The following SGCD variants were observed in gnomAD, a reference collection of about 807,000 sequenced individuals.
SGCD encodes delta-sarcoglycan.
Under a neutral mutation model 36.6 loss-of-function variants are expected in SGCD, and 18 were observed. The observed-to-expected ratio is 0.49, with a 90% CI of 0.34 to 0.73. SGCD has a LOEUF of 0.73. Among genes scored for constraint, SGCD ranks in the 30% least tolerant of loss-of-function variants. SGCD has a pLI of 0.01. For synonymous variants in SGCD, 133 were observed against 130.6 expected, an observed-to-expected ratio of 1.02 and a Z score of -0.12; for missense variants, 387 against 346.7, an observed-to-expected ratio of 1.12 and a Z score of -0.92.
intron 3 of SGCD, among the ~76,000 whole-genome samples, chr5:156,283,459 T>G (rs1766511376): frequency 1.3e-5 from 2 of 152,164 alleles, no homozygotes; most frequent in Admixed American, 1.3e-4. Context: ...TTATAGTATT[T>G]TTTTCCAAAA....
Position 156,513,285 on chromosome 5 carries a change from A to T in SGCD, c.294+4583A>T, listed in dbSNP as rs145860354. Among the ~76,000 whole-genome samples the T allele has an allele frequency of 4.6e-5, 7 of 152,252 alleles. No individual in the cohort carries two copies. In the East Asian group the frequency reaches 1.4e-3, roughly 29 times the overall value. On this transcript the variant is annotated intron_variant, in intron 4 of 8. Transcript: ENST00000337851. ...GGGATGAGTGGTTGGCAGGCAACCAATAGGATCTGCCATTTTTACTGAGTC... is the reference window on the plus strand; with the variant it reads ...GGGATGAGTGGTTGGCAGGCAACCATTAGGATCTGCCATTTTTACTGAGTC...
At chr5:156,047,706 G>A (rs1053517851) in intron 1 of SGCD, among the ~76,000 whole-genome samples, 3 of 152,076 alleles carry the variant, frequency 2.0e-5, no homozygotes, top group African/African-American at 7.2e-5. Context: ...GGCCATACAA[G>A]AGCTCTAATG....
the SGCD span, among the ~76,000 whole-genome samples, chr5:155,850,711 C>T: frequency 1.3e-5 from 2 of 152,152 alleles, no homozygotes; most frequent in African/African-American, 4.8e-5. Context: ...TTCTGTCTGT[C>T]TCTTGCTTTG....
At chr5:155,995,446 T>C (rs1025961198) in intron 1 of SGCD, among the ~76,000 whole-genome samples, 1 of 152,214 alleles carries the variant, frequency 6.6e-6, no homozygotes. Flanking sequence ...AGTACTACAT[T>C]AACTCCTGTG....
intron 7 of SGCD, among the ~76,000 whole-genome samples, chr5:156,661,751 T>C (rs1439857978): frequency 4.6e-5 from 7 of 151,618 alleles, no homozygotes; most frequent in African/African-American, 1.7e-4. Flanking sequence ...CAATCTGCCA[T>C]GCACCAGAAT....
intron 3 of SGCD, among the ~76,000 whole-genome samples, chr5:156,407,852 G>A (rs1230463850): frequency 6.6e-6 from 1 of 152,164 alleles, no homozygotes; most frequent in Admixed American, 6.5e-5. Context: ...CCATTGTGGA[G>A]TGTTCAGGGG....
chr5:156,644,410 C>T (rs942039558), intron 6 of SGCD, among the ~76,000 whole-genome samples: 5 of 152,002 alleles, frequency 3.3e-5, no homozygotes, highest in African/African-American at 7.2e-5. Context: ...TAAAGAATTA[C>T]GCGTTTTTAG....
the SGCD span, among the ~76,000 whole-genome samples, chr5:155,806,055 G>C: frequency 6.6e-6 from 1 of 152,202 alleles, no homozygotes; most frequent in South Asian, 2.1e-4. Context: ...CTGATGTCTT[G>C]AGTGTGTTCA....
At chr5:155,843,414 A>G in the SGCD span, among the ~76,000 whole-genome samples, 24 of 152,160 alleles carry the variant, frequency 1.6e-4, no homozygotes, top group Admixed American at 1.5e-3. Context: ...TCACACACAC[A>G]CACACACACT....
intron 3 of SGCD, among the ~76,000 whole-genome samples, chr5:156,195,552 A>G (rs1764004173): frequency 1.3e-5 from 2 of 152,162 alleles, no homozygotes; most frequent in South Asian, 4.1e-4. Flanking sequence ...CATTCAAATC[A>G]TCCCTCACTA....
intron 1 of SGCD, among the ~76,000 whole-genome samples, chr5:156,028,830 A>G (rs961938723): frequency 2.6e-5 from 4 of 152,178 alleles, no homozygotes; most frequent in African/African-American, 9.7e-5. Flanking sequence ...ATACAGCATG[A>G]TGTCGTCTGA....
intron 1 of SGCD, among the ~76,000 whole-genome samples, chr5:156,078,566 TA>T (rs1760860077): frequency 5.0e-5 from 5 of 100,818 alleles, no homozygotes; most frequent in African/African-American, 3.5e-4. Context: ...TATATTTATA[TA>T]TATATTTATA....
chr5:156,440,478 T>C (rs1246625008), intron 3 of SGCD, among the ~76,000 whole-genome samples: 1 of 152,172 alleles, frequency 6.6e-6, no homozygotes, highest in African/African-American at 2.4e-5. Context: ...CCCTTAAGCA[T>C]AGAGTGGAAT....
At chr5:155,797,982 G>A in the SGCD span, among the ~76,000 whole-genome samples, 15 of 152,066 alleles carry the variant, frequency 9.9e-5, no homozygotes, top group Middle Eastern at 3.2e-3. Context: ...GTGCTATTTC[G>A]CAAACTCTTC....
At chr5:156,415,320 T>C (rs7730561) in intron 3 of SGCD, among the ~76,000 whole-genome samples, 1,953 of 152,298 alleles carry the variant, frequency 0.013, 33 homozygotes, top group African/African-American at 0.043. Context: ...TAGATTAGAA[T>C]GTACTCTTCA....
At chr5:156,351,603 G>GTCA (rs141077881) in intron 3 of SGCD, among the ~76,000 whole-genome samples, 6,936 of 149,156 alleles carry the variant, frequency 0.047, 417 homozygotes, top group African/African-American at 0.14. Flanking sequence ...TATCGTCGTA[G>GTCA]TCATCATCAT....
At chr5:155,829,779 C>A in the SGCD span, among the ~76,000 whole-genome samples, 1 of 152,020 alleles carries the variant, frequency 6.6e-6, no homozygotes, top group Admixed American at 6.6e-5. Context: ...TTACATGTAA[C>A]CTTTGTGGGT....
At chr5:155,881,713 C>T (rs2113296623) in intron 1 of SGCD, among the ~76,000 whole-genome samples, 1 of 152,286 alleles carries the variant, frequency 6.6e-6, no homozygotes, top group South Asian at 2.1e-4. Flanking sequence ...CACAGTAAAT[C>T]TTCTTTCAAA....
chr5:156,110,449 A>G (rs1298750643), intron 1 of SGCD, among the ~76,000 whole-genome samples: 2 of 151,904 alleles, frequency 1.3e-5, no homozygotes. Flanking sequence ...TATTCTTCCA[A>G]AATTAGAAAC....
Sources: gnomAD v4.1 joint callset for allele counts (sites outside exome capture counted in the v4.1 genomes callset) on GRCh38, gnomAD v4.1.1 for gene constraint, MANE v1.5 for transcripts, NCBI Gene and HGNC (gene_info 2026-07-23, HGNC 2026-07-21) for gene names.